The following ACSM5 variants were observed in gnomAD, a reference collection of about 807,000 sequenced individuals.
ACSM5 encodes the protein acyl-CoA synthetase medium chain family member 5.
A neutral mutation model predicts 71.6 loss-of-function variants in ACSM5; 56 were observed. The ratio of observed to expected loss-of-function variants is 0.78; its 90% confidence interval spans 0.63 to 0.98. ACSM5 has a LOEUF of 0.98. ACSM5 is among the 50% of genes least tolerant of loss of function. The pLI is 0.00. For synonymous variants in ACSM5, 285 were observed against 281.5 expected, an observed-to-expected ratio of 1.01 and a Z score of -0.12; for missense variants, 723 against 726.0, an observed-to-expected ratio of 1.00 and a Z score of 0.05.
At position 20,431,358 on chromosome 16, in the gene ACSM5, C is replaced by T. The variant is rs1216462617; in HGVS notation, c.1308+37C>T. The T allele has an allele frequency of 4.0e-6, 6 of 1,516,520 alleles. No homozygotes were observed. In the East Asian group the frequency reaches 6.8e-5, roughly 17 times the overall value. The allele number at this position is 1,516,520 out of a possible 1,614,324, so 93.9% of individuals were successfully genotyped here. A position where few individuals can be genotyped will look rare whatever the true frequency, so the allele number is the denominator to read the frequency against. On this transcript the variant is annotated intron_variant, in intron 10 of 13. Coordinates refer to ENST00000331849, the MANE Select transcript of ACSM5 (RefSeq NM_017888.3). ...GGAACAGCCGTTCTCATGACAGTGA[C>T]TGTGTGCTAAGCATTGTGCACCACA... is the stretch of plus-strand genomic sequence containing the variant.
intron 2 of ACSM5, among the ~76,000 whole-genome samples, chr16:20,416,298 A>G (rs1256544064): frequency 1.3e-5 from 2 of 152,024 alleles, no homozygotes; most frequent in East Asian, 1.9e-4. Context: ...AAAAAAAAAA[A>G]AAGAAGACTC....
Position 20,418,269 on chromosome 16 carries a change from G to C in ACSM5, c.415G>C (p.Gly139Arg). The change falls in exon 3 of 14, where the codon GGG (glycine) becomes CGG (arginine). Residue 139 changes from glycine to arginine, a missense_variant and splice_region_variant. Coordinates refer to ENST00000331849, the MANE Select transcript of ACSM5 (RefSeq NM_017888.3). ...GGTCAGTGTGGCTTGCATGCGGACA[G>C]GTCAGTAAGCAGGGCTGGGAATTTT... Reference protein sequence around the residue: ...WLVSVACMRTGTVMIPGVTQL... With the variant: ...WLVSVACMRTRTVMIPGVTQL... The C allele has an allele frequency of 6.2e-7, 1 of 1,607,170 alleles. No individual in the cohort carries two copies. Among genetic ancestry groups the C allele is most frequent in the Non-Finnish European group, 8.5e-7 (1 of 1,176,698 alleles).
intron 2 of ACSM5, among the ~76,000 whole-genome samples, chr16:20,414,282 T>G (rs7204219): frequency 0.014 from 2,138 of 152,302 alleles, 49 homozygotes; most frequent in African/African-American, 0.049. Flanking sequence ...GATATTCATA[T>G]GAAGAGATTA....
At chr16:20,418,656 C>T (rs1216859092) in intron 3 of ACSM5, among the ~76,000 whole-genome samples, 1 of 152,172 alleles carries the variant, frequency 6.6e-6, no homozygotes, top group African/African-American at 2.4e-5. Flanking sequence ...TTAATGTTGG[C>T]ATCTATCATT....
At chr16:20,438,120 G>T (rs1480987133) in intron 12 of ACSM5, among the ~76,000 whole-genome samples, 1 of 151,898 alleles carries the variant, frequency 6.6e-6, no homozygotes, top group Non-Finnish European at 1.5e-5. Context: ...GAGTCACCGT[G>T]CCCGGCTAGG....
chr16:20,427,635 G>A (rs910034389), intron 6 of ACSM5, among the ~76,000 whole-genome samples, 153 bp from the exon 7 acceptor site: 12 of 152,226 alleles, frequency 7.9e-5, no homozygotes, highest in African/African-American at 2.9e-4. Flanking sequence ...CAGGAAGTAG[G>A]AGTCACTGGA....
intron 4 of ACSM5, among the ~76,000 whole-genome samples, chr16:20,420,582 A>C (rs558234593): frequency 1.2e-3 from 183 of 152,328 alleles, no homozygotes; most frequent in African/African-American, 4.3e-3. Context: ...CCTGGGCAAC[A>C]AAAGCGAAAC....
chr16:20,424,109 A>C (rs763319288), intron 6 of ACSM5, 40 bp downstream of exon 6: 27 of 1,607,134 alleles, frequency 1.7e-5, no homozygotes, highest in Non-Finnish European at 2.2e-5. Flanking sequence ...TGTGTTGGGT[A>C]CAAATGAGAT....
Position 20,431,324 on chromosome 16 carries a change from A to G in ACSM5, c.1308+3A>G. 6.2e-7 allele frequency: 1 copy of G among 1,612,618 alleles called. No individual in the cohort carries two copies. Among genetic ancestry groups the G allele is most frequent in the Non-Finnish European group, 8.5e-7 (1 of 1,178,580 alleles). ...TCTGTTTCTTCAATTGCTATTTGGT[A>G]AGAGACGGGGAACAGCCGTTCTCAT... On this transcript the variant is annotated splice_donor_region_variant and intron_variant, in intron 10 of 13. Transcript: ENST00000331849.
chr16:20,418,812 G>T (rs1386588027), intron 3 of ACSM5, among the ~76,000 whole-genome samples: 2 of 152,126 alleles, frequency 1.3e-5, no homozygotes, highest in Non-Finnish European at 2.9e-5. Flanking sequence ...TTCACTCTTA[G>T]ACTTTATGAT....
Position 20,431,337 on chromosome 16 carries a change from C to T in ACSM5, c.1308+16C>T, listed in dbSNP as rs748330167. 2 of 1,589,768 alleles carry T rather than the reference C, an allele frequency of 1.3e-6. No homozygotes were observed. The highest frequency in any genetic ancestry group is 1.7e-5 in the Admixed American group (1 of 60,004). ...TTGCTATTTGGTAAGAGACGGGGAA[C>T]AGCCGTTCTCATGACAGTGACTGTG... On this transcript the variant is annotated intron_variant, in intron 10 of 13. Coordinates refer to ENST00000331849, the MANE Select transcript of ACSM5 (RefSeq NM_017888.3).
chr16:20,433,372 C>T (rs934514754), intron 10 of ACSM5, among the ~76,000 whole-genome samples: 1 of 152,116 alleles, frequency 6.6e-6, no homozygotes, highest in Non-Finnish European at 1.5e-5. Context: ...AATGAATATG[C>T]CCGTGTCAAC....
intron 4 of ACSM5, 60 bp downstream of exon 4, chr16:20,419,495 A>C (rs35908732): frequency 1.1e-5 from 16 of 1,509,268 alleles, no homozygotes; most frequent in Middle Eastern, 2.2e-4. Context: ...TAAGCAACAA[A>C]AGATGAAATG....
intron 5 of ACSM5, among the ~76,000 whole-genome samples, chr16:20,422,741 G>A (rs112257097): frequency 0.044 from 6,763 of 152,238 alleles, 161 homozygotes; most frequent in South Asian, 0.061. Context: ...TAAGAGGCAA[G>A]CATGGTAGCT....
intron 4 of ACSM5, chr16:20,421,029 G>T: frequency 2.8e-6 from 1 of 360,452 alleles, no homozygotes; most frequent in Non-Finnish European, 4.8e-6. Context: ...GGACTCTTTT[G>T]CGTGAATTAT....
intron 12 of ACSM5, among the ~76,000 whole-genome samples, chr16:20,439,426 A>G (rs542803836): frequency 8.9e-4 from 135 of 151,532 alleles, no homozygotes; most frequent in African/African-American, 3.0e-3. Flanking sequence ...ACTCATGCCT[A>G]CCTACCTTTC....
chr16:20,410,958 T>C (rs1408986594), intron 1 of ACSM5, among the ~76,000 whole-genome samples: 2 of 152,200 alleles, frequency 1.3e-5, no homozygotes, highest in Non-Finnish European at 2.9e-5. Context: ...TCTTTAACAA[T>C]TTATTCTTCT....
At chr16:20,432,664 G>T (rs909976255) in intron 10 of ACSM5, among the ~76,000 whole-genome samples, 1 of 151,980 alleles carries the variant, frequency 6.6e-6, no homozygotes, top group African/African-American at 2.4e-5. Flanking sequence ...CAGGACTCTG[G>T]TACTTAGTGT....
Position 20,421,339 on chromosome 16 carries a change from G to C in ACSM5, c.705G>C (p.Gly235=). The change falls in exon 5 of 14, where the codon GGG becomes GGC. Residue 235 remains glycine (G), a synonymous_variant. Coordinates refer to ENST00000331849, the MANE Select transcript of ACSM5 (RefSeq NM_017888.3). ...TCTACTTTACCAGCGGAACCACCGGGGCCCCCAAGATGGTCGAGCACTCCC... is the reference window on the plus strand; with the variant it reads ...TCTACTTTACCAGCGGAACCACCGGCGCCCCCAAGATGGTCGAGCACTCCC... The part of the protein sequence containing the change: ...LAIYFTSGTT[G]APKMVEHSQS... The C allele has an allele frequency of 6.2e-7, 1 of 1,609,804 alleles. No individual in the cohort carries two copies. The highest frequency in any genetic ancestry group is 8.5e-7 in the Non-Finnish European group (1 of 1,177,856).
Sources: allele counts gnomAD v4.1 joint callset (sites outside exome capture counted in the v4.1 genomes callset), GRCh38; gene constraint gnomAD v4.1.1; transcripts MANE v1.5; gene names NCBI Gene and HGNC (gene_info 2026-07-23, HGNC 2026-07-21).